WWOX: variants seen among roughly 807,000 people sequenced by gnomAD.
WWOX encodes WW domain-containing oxidoreductase.
A neutral mutation model predicts 46.2 loss-of-function variants in WWOX; 69 were observed. The ratio of observed to expected loss-of-function variants is 1.49; its 90% CI spans 1.23 to 1.82. The LOEUF (loss-of-function observed/expected upper bound fraction) is 1.82. Among genes scored for constraint, WWOX ranks in the 40% most tolerant of loss-of-function variants. The pLI, the probability that WWOX is intolerant of heterozygous loss-of-function variation, is 0.00. For synonymous variants in WWOX, 359 were observed against 202.6 expected, an observed-to-expected ratio of 1.77 and a Z score of -6.56; for missense variants, 919 against 542.6, an observed-to-expected ratio of 1.69 and a Z score of -6.89.
intron 1 of WWOX, among the ~76,000 whole-genome samples, chr16:78,107,566 G>C (rs562797307): frequency 6.6e-6 from 1 of 152,108 alleles, no homozygotes; most frequent in Non-Finnish European, 1.5e-5. Flanking sequence ...GGTGCACAGC[G>C]CACAGCTAGA....
chr16:78,594,974 A>T (rs1240295605), intron 8 of WWOX, among the ~76,000 whole-genome samples: 1 of 152,180 alleles, frequency 6.6e-6, no homozygotes, highest in Admixed American at 6.5e-5. Context: ...CAATAACCCT[A>T]TCCTTACTGT....
chr16:78,284,872 A>G (rs2079741297), intron 5 of WWOX, among the ~76,000 whole-genome samples: 1 of 152,152 alleles, frequency 6.6e-6, no homozygotes, highest in East Asian at 1.9e-4. Flanking sequence ...AAACTTACGT[A>G]TTTCTTCCAT....
chr16:78,616,933 G>A (rs188649235), intron 8 of WWOX, among the ~76,000 whole-genome samples: 32 of 152,292 alleles, frequency 2.1e-4, no homozygotes, highest in African/African-American at 6.7e-4. Flanking sequence ...CCACAATAAT[G>A]TTTTATAATG....
intron 8 of WWOX, among the ~76,000 whole-genome samples, chr16:78,643,656 C>A (rs1336698752): frequency 2.6e-5 from 4 of 152,074 alleles, no homozygotes; most frequent in Non-Finnish European, 5.9e-5. Context: ...ATCTTGGCTC[C>A]TAATAATGGC....
intron 8 of WWOX, among the ~76,000 whole-genome samples, chr16:78,477,326 C>A (rs1176035471): frequency 1.3e-5 from 2 of 152,032 alleles, no homozygotes; most frequent in Admixed American, 6.6e-5. Context: ...ACCTAGCAAA[C>A]CTTTGCATAA....
At chr16:78,861,322 A>G (rs139341490) in intron 8 of WWOX, among the ~76,000 whole-genome samples, 76 of 152,298 alleles carry the variant, frequency 5.0e-4, no homozygotes, top group African/African-American at 1.8e-3. Flanking sequence ...CTATCCACCT[A>G]TTAACTTATT....
intron 5 of WWOX, among the ~76,000 whole-genome samples, chr16:78,189,124 C>G (rs926375097): frequency 3.3e-5 from 5 of 152,168 alleles, no homozygotes; most frequent in Admixed American, 2.0e-4. Context: ...AGTTGCAAGA[C>G]ATGGGTTCAG....
rs1329219699 is a variant in WWOX, at chr16:78,100,182, GAT to G, written c.107+298_107+299del. The stretch of plus-strand genomic sequence containing the variant: ...GGCCTCATCCCCGCCAAAAAATAAA[GAT>G]GTTTTAAAAAGCGCACATGCTCAGC... On this transcript the variant is annotated intron_variant, in intron 1 of 8. Coordinates refer to ENST00000566780, the MANE Select transcript of WWOX (RefSeq NM_016373.4). The G allele has an allele frequency of 1.0e-5, 13 of 1,249,270 alleles. No homozygotes were observed. In the East Asian group the frequency reaches 6.3e-4, roughly 60 times the overall value. The allele number at this position is 1,249,270 out of a possible 1,614,324, so 77.4% of individuals were successfully genotyped here.
At chr16:78,100,303 AGTGCAGGG>A (rs2151652865) in intron 1 of WWOX, 1 of 1,014,176 alleles carries the variant, frequency 9.9e-7, no homozygotes, top group African/African-American at 1.8e-5. Flanking sequence ...TCCAGGCTGG[AGTGCAGGG>A]GTGCCATCAT....
chr16:78,880,716 G>C (rs1367842090), intron 8 of WWOX, among the ~76,000 whole-genome samples: 2 of 152,216 alleles, frequency 1.3e-5, no homozygotes, highest in African/African-American at 4.8e-5. Context: ...GTTCACATAA[G>C]TGTGAGTGAC....
intron 8 of WWOX, among the ~76,000 whole-genome samples, chr16:79,050,083 C>A (rs886966356): frequency 2.6e-5 from 4 of 152,222 alleles, no homozygotes; most frequent in Admixed American, 1.3e-4. Context: ...GAAGCATAGG[C>A]CAGTGACTTG....
intron 8 of WWOX, among the ~76,000 whole-genome samples, chr16:78,488,065 G>T (rs1224677827): frequency 1.3e-5 from 2 of 152,158 alleles, no homozygotes; most frequent in Non-Finnish European, 2.9e-5. Context: ...ACTTGTTGTG[G>T]TTCCAGCCTA....
chr16:78,107,522 G>A (rs1029122651), intron 1 of WWOX, among the ~76,000 whole-genome samples: 3 of 152,160 alleles, frequency 2.0e-5, no homozygotes, highest in Non-Finnish European at 4.4e-5. Context: ...CAGATGAGGG[G>A]ATGGAGATTA....
At chr16:78,388,884 G>C (rs1369305808) in intron 6 of WWOX, among the ~76,000 whole-genome samples, 1 of 151,598 alleles carries the variant, frequency 6.6e-6, no homozygotes, top group Non-Finnish European at 1.5e-5. Context: ...CAGGAGAATG[G>C]CTTGAACCCG....
intron 8 of WWOX, among the ~76,000 whole-genome samples, chr16:79,069,108 C>T (rs1332406748): frequency 6.6e-6 from 1 of 152,156 alleles, no homozygotes; most frequent in Non-Finnish European, 1.5e-5. Context: ...GCCGGAACTC[C>T]CCACGTGTGA....
At chr16:79,038,753 T>C (rs1164894450) in intron 8 of WWOX, among the ~76,000 whole-genome samples, 1 of 152,096 alleles carries the variant, frequency 6.6e-6, no homozygotes, top group Non-Finnish European at 1.5e-5. Context: ...TTTCACCATA[T>C]TGGCCAGACT....
intron 8 of WWOX, among the ~76,000 whole-genome samples, chr16:78,957,130 G>A (rs1244857003): frequency 6.6e-6 from 1 of 152,160 alleles, no homozygotes; most frequent in Non-Finnish European, 1.5e-5. Context: ...TATGCAGAAG[G>A]TTGAAAACAC....
intron 5 of WWOX, among the ~76,000 whole-genome samples, chr16:78,330,329 C>G (rs1390565180): frequency 6.6e-6 from 1 of 151,952 alleles, no homozygotes; most frequent in Non-Finnish European, 1.5e-5. Flanking sequence ...ATTAATATTT[C>G]CAACAAGCCA....
intron 8 of WWOX, among the ~76,000 whole-genome samples, chr16:78,716,500 A>G (rs570496084): frequency 1.1e-4 from 16 of 152,230 alleles, no homozygotes; most frequent in Middle Eastern, 3.4e-3. Flanking sequence ...AAGATGATGC[A>G]CTGCTTATTT....
Sources: allele counts gnomAD v4.1 joint callset (sites outside exome capture counted in the v4.1 genomes callset), GRCh38; gene constraint gnomAD v4.1.1; transcripts MANE v1.5; gene names NCBI Gene and HGNC (gene_info 2026-07-23, HGNC 2026-07-21).